Variants in RASA2 observed in about 807,000 individuals in gnomAD.
RASA2 encodes RAS p21 protein activator 2.
In RASA2, 155 loss-of-function variants were observed where a neutral mutation model predicts 118.2. The ratio of observed to expected loss-of-function variants is 1.31; its 90% CI spans 1.15 to 1.50. The LOEUF is 1.50. RASA2 is among the 40% of genes most tolerant of loss of function. The pLI, the probability that RASA2 is intolerant of heterozygous loss-of-function variation, is 0.00. For synonymous variants in RASA2, 353 were observed against 349.1 expected (o/e 1.01, Z -0.12); for missense variants, 1,016 against 1,009.6 (o/e 1.01, Z -0.09).
chr3:141,503,493 A>G (rs1484667207), intron 1 of RASA2, among the ~76,000 whole-genome samples: 15 of 152,070 alleles, frequency 9.9e-5, no homozygotes. Context: ...TTTTGATTTG[A>G]TGGTGTTTAT....
At chr3:141,594,116 G>C (rs1463064918) in intron 19 of RASA2, among the ~76,000 whole-genome samples, 1 of 152,092 alleles carries the variant, frequency 6.6e-6, no homozygotes, top group Non-Finnish European at 1.5e-5. Flanking sequence ...AATAAAAAGG[G>C]AATCAAATGG....
chr3:141,570,717 G>A (rs1397287844), intron 9 of RASA2, among the ~76,000 whole-genome samples, 195 bp from the exon 10 acceptor site: 2 of 152,098 alleles, frequency 1.3e-5, no homozygotes, highest in Non-Finnish European at 2.9e-5. Context: ...ATAAAAATGT[G>A]TTTATAGCTT....
chr3:141,545,045 C>G (rs1319356017), intron 5 of RASA2, among the ~76,000 whole-genome samples: 1 of 152,102 alleles, frequency 6.6e-6, no homozygotes, highest in Admixed American at 6.6e-5. Flanking sequence ...TGGGTGCTAG[C>G]CTTAATACCT....
intron 9 of RASA2, among the ~76,000 whole-genome samples, chr3:141,564,796 A>G (rs1238058855): frequency 1.3e-5 from 2 of 152,226 alleles, no homozygotes; most frequent in Non-Finnish European, 2.9e-5. Flanking sequence ...AAGGGTGTTC[A>G]TTATTACTAT....
chr3:141,540,634 C>G, intron 5 of RASA2, 25 bp downstream of exon 5: 1 of 1,556,644 alleles, frequency 6.4e-7, no homozygotes, highest in East Asian at 2.3e-5. Flanking sequence ...TAACCAAAAT[C>G]AACTAGAAAT....
At chr3:141,590,003 G>A in intron 19 of RASA2, 2 of 404,988 alleles carry the variant, frequency 4.9e-6, no homozygotes, top group South Asian at 3.7e-5. Context: ...GACATTGGAG[G>A]AATGAGATAT....
intron 1 of RASA2, among the ~76,000 whole-genome samples, chr3:141,505,435 A>G (rs1212580958): frequency 6.6e-6 from 1 of 152,184 alleles, no homozygotes; most frequent in Non-Finnish European, 1.5e-5. Flanking sequence ...AGACTTTGCA[A>G]AGATGCCCTT....
intron 19 of RASA2, among the ~76,000 whole-genome samples, chr3:141,596,134 G>A (rs1375718309): frequency 6.6e-6 from 1 of 152,142 alleles, no homozygotes; most frequent in South Asian, 2.1e-4. Context: ...TGGGCCTGGA[G>A]TCTCAGTAAA....
At chr3:141,610,193 G>A in intron 23 of RASA2, 127 bp downstream of exon 23, 1 of 735,682 alleles carries the variant, frequency 1.4e-6, no homozygotes, top group South Asian at 3.0e-5. Context: ...ATTCTCTGGT[G>A]CAAGTTTCCC....
intron 5 of RASA2, among the ~76,000 whole-genome samples, chr3:141,547,777 G>T (rs1173536934): frequency 2.6e-5 from 4 of 152,168 alleles, no homozygotes; most frequent in Non-Finnish European, 4.4e-5. Context: ...TTAGAGAAAA[G>T]ACTTTCAGTT....
In RASA2 at chr3:141,487,226, G is replaced by A. The variant is rs775544477; in HGVS notation, c.133+10G>A. The A allele has an allele frequency of 7.2e-6, 10 of 1,389,910 alleles. No individual in the cohort carries two copies. Among genetic ancestry groups the A allele is most frequent in the African/African-American group, 1.5e-5 (1 of 67,012 alleles). 86.1% of individuals were successfully genotyped at this position (1,389,910 alleles called of 1,614,324 possible). ...CTGCGGGGCAAGATCTGTAAGCGGG[G>A]GCTGGGCTGAGGGGACGCCCTGGCG... On this transcript the variant is annotated intron_variant, in intron 1 of 23. Transcript: ENST00000286364.
chr3:141,599,025 T>C (rs2083419678), intron 19 of RASA2, among the ~76,000 whole-genome samples: 1 of 151,950 alleles, frequency 6.6e-6, no homozygotes, highest in East Asian at 1.9e-4. Flanking sequence ...GAGGTGGAGG[T>C]TGCAGTGAGC....
At chr3:141,568,667 G>C (rs1479634517) in intron 9 of RASA2, among the ~76,000 whole-genome samples, 1 of 152,016 alleles carries the variant, frequency 6.6e-6, no homozygotes, top group Admixed American at 6.5e-5. Context: ...GATGAAAATA[G>C]TAAGTGGCAC....
chr3:141,490,862 C>T (rs138262709), intron 1 of RASA2, among the ~76,000 whole-genome samples: 243 of 152,288 alleles, frequency 1.6e-3, no homozygotes, highest in African/African-American at 5.1e-3. Flanking sequence ...ACCTATCTCA[C>T]GGGTTGTTAT....
intron 4 of RASA2, 115 bp from the exon 5 acceptor site, chr3:141,540,418 A>G: frequency 2.8e-6 from 2 of 717,128 alleles, no homozygotes; most frequent in South Asian, 4.2e-5. Context: ...AGTGTAGGCA[A>G]AGCCATGTGC....
At chr3:141,498,280 G>C (rs1004267697) in intron 1 of RASA2, among the ~76,000 whole-genome samples, 1 of 152,132 alleles carries the variant, frequency 6.6e-6, no homozygotes, top group South Asian at 2.1e-4. Flanking sequence ...TTTTCAGAAA[G>C]TCTTTATGTT....
intron 7 of RASA2, among the ~76,000 whole-genome samples, chr3:141,556,133 C>T (rs1292408535): frequency 6.6e-6 from 1 of 152,212 alleles, no homozygotes; most frequent in Admixed American, 6.5e-5. Context: ...GGGCCAGGGC[C>T]ATACCCACTC....
chr3:141,610,404 T>G (rs867454255), intron 23 of RASA2, among the ~76,000 whole-genome samples: 2 of 68,544 alleles, frequency 2.9e-5, no homozygotes, highest in African/African-American at 1.1e-4. Context: ...TATTTATATA[T>G]TATATATTTA....
intron 19 of RASA2, among the ~76,000 whole-genome samples, chr3:141,599,531 G>A (rs1203439543): frequency 6.6e-6 from 1 of 152,180 alleles, no homozygotes. Flanking sequence ...CAAAAGCAAT[G>A]TTGTATTCTG....
Sources: gnomAD v4.1 joint callset for allele counts (sites outside exome capture counted in the v4.1 genomes callset) on GRCh38, gnomAD v4.1.1 for gene constraint, MANE v1.5 for transcripts, NCBI Gene and HGNC (gene_info 2026-07-23, HGNC 2026-07-21) for gene names.